Variants in PRKD1 observed in about 807,000 individuals in gnomAD.
PRKD1 encodes serine/threonine-protein kinase D1.
PRKD1 carries 63 observed loss-of-function variants against 95.9 expected under a neutral mutation model. The observed-to-expected ratio is 0.66, with a 90% confidence interval of 0.54 to 0.81. PRKD1 has a LOEUF of 0.81. Ranked by LOEUF, PRKD1 falls within the 30% of genes least tolerant of loss-of-function variation. The pLI is 0.00. For missense variants in PRKD1, 1,048 were observed against 1,165.3 expected (o/e 0.90, Z 1.47); for synonymous variants, 425 against 423.1 (o/e 1.00, Z -0.05).
chr14:29,883,461 T>C (rs758090018), intron 1 of PRKD1, among the ~76,000 whole-genome samples: 1 of 152,234 alleles, frequency 6.6e-6, no homozygotes, highest in Non-Finnish European at 1.5e-5. Flanking sequence ...TTTTTCTCTA[T>C]ATATTATTTT....
intron 2 of PRKD1, among the ~76,000 whole-genome samples, chr14:29,709,969 T>A (rs1885264304): frequency 6.6e-6 from 1 of 152,206 alleles, no homozygotes; most frequent in South Asian, 2.1e-4. Flanking sequence ...TTGGTTATAC[T>A]GATATTCACT....
intron 13 of PRKD1, among the ~76,000 whole-genome samples, chr14:29,619,459 G>C (rs572217740): frequency 6.6e-6 from 1 of 152,152 alleles, no homozygotes; most frequent in East Asian, 1.9e-4. Flanking sequence ...TATATGCCAG[G>C]AACAATTTCT....
intron 1 of PRKD1, among the ~76,000 whole-genome samples, chr14:29,923,814 A>G (rs370183431): frequency 5.3e-5 from 8 of 150,436 alleles, no homozygotes; most frequent in African/African-American, 2.0e-4. Flanking sequence ...TTTGAGGAAA[A>G]AAAAAAAAAA....
At chr14:29,723,467 A>G (rs1885995252) in intron 2 of PRKD1, among the ~76,000 whole-genome samples, 1 of 152,176 alleles carries the variant, frequency 6.6e-6, no homozygotes, top group East Asian at 1.9e-4. Flanking sequence ...GGGCCTAAAA[A>G]GGCTAAGGGA....
chr14:29,705,270 T>C (rs1885026807), intron 2 of PRKD1, among the ~76,000 whole-genome samples: 1 of 152,078 alleles, frequency 6.6e-6, no homozygotes, highest in Non-Finnish European at 1.5e-5. Context: ...GCAATTAAAA[T>C]TATGAATGAC....
intron 16 of PRKD1, among the ~76,000 whole-genome samples, chr14:29,583,350 G>C (rs1374349016): frequency 6.6e-6 from 1 of 152,048 alleles, no homozygotes; most frequent in Non-Finnish European, 1.5e-5. Context: ...TTATTCTCTT[G>C]GGTTCCCTGT....
At chr14:29,727,869 A>T (rs1886238248) in intron 1 of PRKD1, among the ~76,000 whole-genome samples, 1 of 151,654 alleles carries the variant, frequency 6.6e-6, no homozygotes, top group Admixed American at 6.6e-5. Flanking sequence ...AGGGACATGG[A>T]TGAAATTGGA....
chr14:29,821,876 CCA>C (rs1890925992), intron 1 of PRKD1, among the ~76,000 whole-genome samples: 1 of 151,788 alleles, frequency 6.6e-6, no homozygotes, highest in African/African-American at 2.4e-5. Flanking sequence ...ACACACACAC[CCA>C]CACACAACCT....
At chr14:29,649,508 T>G (rs1881355862) in intron 4 of PRKD1, among the ~76,000 whole-genome samples, 1 of 152,088 alleles carries the variant, frequency 6.6e-6, no homozygotes, top group Non-Finnish European at 1.5e-5. Context: ...GTTGATTTTT[T>G]TTTGGCTCGA....
intron 1 of PRKD1, among the ~76,000 whole-genome samples, chr14:29,804,228 A>G (rs8015186): frequency 0.81 from 120,487 of 149,612 alleles, 49,485 homozygotes; most frequent in East Asian, 1. Context: ...GGCAACAAGA[A>G]CGAAACTAAA....
intron 1 of PRKD1, among the ~76,000 whole-genome samples, chr14:29,915,526 T>C (rs1894860997): frequency 6.6e-6 from 1 of 152,142 alleles, no homozygotes; most frequent in African/African-American, 2.4e-5. Context: ...ACCGTCCAGT[T>C]CTAATGTTCT....
chr14:29,614,912 A>G (rs1404474940), intron 13 of PRKD1, among the ~76,000 whole-genome samples: 2 of 130,674 alleles, frequency 1.5e-5, no homozygotes, highest in African/African-American at 3.1e-5. Context: ...GGGTTTCGCC[A>G]TGTTGCCCAG....
At chr14:29,867,351 T>C (rs945061868) in intron 1 of PRKD1, among the ~76,000 whole-genome samples, 8 of 151,976 alleles carry the variant, frequency 5.3e-5, no homozygotes, top group African/African-American at 1.2e-4. Context: ...AGATAAGACA[T>C]GAAGAAAGGG....
chr14:29,723,919 A>C (rs986507417), intron 2 of PRKD1, among the ~76,000 whole-genome samples: 1 of 152,166 alleles, frequency 6.6e-6, no homozygotes, highest in Non-Finnish European at 1.5e-5. Flanking sequence ...GGAAAACAGG[A>C]GACATGGAAC....
chr14:29,885,616 A>G (rs184482685), intron 1 of PRKD1, among the ~76,000 whole-genome samples: 79 of 152,228 alleles, frequency 5.2e-4, no homozygotes, highest in African/African-American at 1.8e-3. Flanking sequence ...TAAGAACAGC[A>G]TTTGCCAGGG....
chr14:29,666,853 A>G (rs1237313289), intron 2 of PRKD1, among the ~76,000 whole-genome samples: 1 of 152,192 alleles, frequency 6.6e-6, no homozygotes, highest in African/African-American at 2.4e-5. Context: ...ACTGCAGTCC[A>G]TTCTGAGAAA....
chr14:29,704,922 C>T (rs548381104), intron 2 of PRKD1, among the ~76,000 whole-genome samples: 11 of 152,160 alleles, frequency 7.2e-5, no homozygotes, highest in African/African-American at 2.6e-4. Context: ...ACACACAATT[C>T]GGTCCATGTG....
intron 1 of PRKD1, among the ~76,000 whole-genome samples, chr14:29,741,020 C>G (rs1032153762): frequency 6.6e-6 from 1 of 152,116 alleles, no homozygotes; most frequent in African/African-American, 2.4e-5. Context: ...AACCAAATAC[C>G]ACATCTTCTC....
At chr14:29,618,428 G>C (rs1472351440) in intron 13 of PRKD1, among the ~76,000 whole-genome samples, 2 of 151,872 alleles carry the variant, frequency 1.3e-5, no homozygotes, top group Non-Finnish European at 2.9e-5. Flanking sequence ...GCTAATTTTT[G>C]TATTTTTAGT....
Sources: gnomAD v4.1 joint callset for allele counts (sites outside exome capture counted in the v4.1 genomes callset) on GRCh38, gnomAD v4.1.1 for gene constraint, MANE v1.5 for transcripts, NCBI Gene and HGNC (gene_info 2026-07-23, HGNC 2026-07-21) for gene names.